SOX5: variants seen among roughly 807,000 people sequenced by gnomAD.
The protein encoded by SOX5 is transcription factor SOX-5.
Under a neutral mutation model 92.0 loss-of-function variants are expected in SOX5, and 9 were observed. The observed-to-expected ratio is 0.10, with a 90% confidence interval of 0.06 to 0.17. SOX5 has a LOEUF of 0.17. Ranked by LOEUF, SOX5 falls within the 10% of genes least tolerant of loss-of-function variation. The pLI is 1.00. For synonymous variants in SOX5, 344 were observed against 336.3 expected, an observed-to-expected ratio of 1.02 and a Z score of -0.25; for missense variants, 642 against 944.5, an observed-to-expected ratio of 0.68 and a Z score of 4.20.
At chr12:24,249,786 AT>A (rs1402307422) in intron 3 of SOX5, among the ~76,000 whole-genome samples, 1 of 152,232 alleles carries the variant, frequency 6.6e-6, no homozygotes, top group African/African-American at 2.4e-5. Context: ...GCATGCTGCC[AT>A]TAAAATGGTA....
At chr12:24,251,359 G>T (rs1436415382) in intron 3 of SOX5, among the ~76,000 whole-genome samples, 1 of 152,084 alleles carries the variant, frequency 6.6e-6, no homozygotes, top group African/African-American at 2.4e-5. Flanking sequence ...AGCATGGCAG[G>T]AAGTTCCTTC....
chr12:24,225,422 T>C (rs943233517), intron 3 of SOX5, among the ~76,000 whole-genome samples: 10 of 151,426 alleles, frequency 6.6e-5, no homozygotes, highest in African/African-American at 2.4e-4. Context: ...TTTGAAACTT[T>C]AAAACTTTTG....
upstream of SOX5, among the ~76,000 whole-genome samples, chr12:23,954,017 A>C (rs1046492164): frequency 6.6e-6 from 1 of 152,060 alleles, no homozygotes; most frequent in African/African-American, 2.4e-5. Flanking sequence ...AGAACTTTTA[A>C]AATCACAAAC....
At chr12:23,893,638 G>A (rs2137614002) in intron 2 of SOX5, among the ~76,000 whole-genome samples, 1 of 152,206 alleles carries the variant, frequency 6.6e-6, no homozygotes, top group South Asian at 2.1e-4. Context: ...CTCTGCAAAT[G>A]TATATGTTTG....
chr12:24,470,023 T>C (rs1223854214), intron 1 of SOX5, among the ~76,000 whole-genome samples: 1 of 152,192 alleles, frequency 6.6e-6, no homozygotes, highest in Non-Finnish European at 1.5e-5. Flanking sequence ...TTATAAACTT[T>C]TAAACTATTA....
intron 2 of SOX5, among the ~76,000 whole-genome samples, chr12:24,300,194 G>C (rs1038455867): frequency 6.6e-6 from 1 of 152,178 alleles, no homozygotes; most frequent in African/African-American, 2.4e-5. Flanking sequence ...TTCTGCCAGT[G>C]GTAACTTCTG....
At chr12:24,034,915 C>G (rs1245107502) in intron 4 of SOX5, among the ~76,000 whole-genome samples, 2 of 152,094 alleles carry the variant, frequency 1.3e-5, no homozygotes, top group African/African-American at 4.8e-5. Context: ...AATCAAGCTA[C>G]TAATAGAGCT....
chr12:23,587,498 G>A (rs796115317), intron 9 of SOX5, among the ~76,000 whole-genome samples: 4 of 152,128 alleles, frequency 2.6e-5, no homozygotes, highest in African/African-American at 7.2e-5. Flanking sequence ...AAATTAGACT[G>A]CAATCATGTA....
chr12:24,109,116 T>G (rs750943358), intron 4 of SOX5, among the ~76,000 whole-genome samples: 8 of 152,176 alleles, frequency 5.3e-5, no homozygotes, highest in Non-Finnish European at 1.2e-4. Flanking sequence ...TTTCTAAAGT[T>G]TATTATCTAG....
intron 2 of SOX5, among the ~76,000 whole-genome samples, chr12:24,302,253 G>A (rs1948053232): frequency 6.6e-6 from 1 of 151,704 alleles, no homozygotes; most frequent in Admixed American, 6.6e-5. Context: ...ATGTCCATGG[G>A]GTATTATTCA....
chr12:24,166,276 T>C (rs1406923254), intron 4 of SOX5, among the ~76,000 whole-genome samples: 1 of 152,102 alleles, frequency 6.6e-6, no homozygotes, highest in African/African-American at 2.4e-5. Flanking sequence ...GAATCATGAA[T>C]TGTTTGAGAC....
At chr12:24,074,542 C>A (rs1299612902) in intron 4 of SOX5, among the ~76,000 whole-genome samples, 2 of 144,104 alleles carry the variant, frequency 1.4e-5, no homozygotes, top group Non-Finnish European at 3.0e-5. Flanking sequence ...ATGTTTATAC[C>A]CAAACAGTAC....
At chr12:24,322,645 C>T (rs75020026) in intron 2 of SOX5, among the ~76,000 whole-genome samples, 2,440 of 152,202 alleles carry the variant, frequency 0.016, 30 homozygotes, top group Non-Finnish European at 0.029. Flanking sequence ...ACTGAATTAT[C>T]ACACATTTTC....
intron 3 of SOX5, chr12:23,762,468 C>A: frequency 4.8e-6 from 2 of 419,338 alleles, no homozygotes; most frequent in Middle Eastern, 5.6e-4. Flanking sequence ...CAAGAAACTC[C>A]ATAGCATTAA....
At chr12:23,904,322 T>C (rs1166697260) in intron 1 of SOX5, among the ~76,000 whole-genome samples, 1 of 152,088 alleles carries the variant, frequency 6.6e-6, no homozygotes, top group Non-Finnish European at 1.5e-5. Context: ...ACCCATTTCT[T>C]CCCACATACA....
chr12:24,360,758 T>C (rs555058376), intron 2 of SOX5, among the ~76,000 whole-genome samples: 2 of 152,254 alleles, frequency 1.3e-5, no homozygotes, highest in Admixed American at 6.5e-5. Context: ...GGTCGCAAGA[T>C]CCAGACTGAG....
At chr12:24,101,446 TCAATCTA>T (rs1270669942) in intron 4 of SOX5, among the ~76,000 whole-genome samples, 2 of 152,176 alleles carry the variant, frequency 1.3e-5, no homozygotes, top group African/African-American at 4.8e-5. Flanking sequence ...AACACTCGTT[TCAATCTA>T]CAATTACCTT....
chr12:23,613,509 G>C (rs1420005925), intron 8 of SOX5, among the ~76,000 whole-genome samples: 4 of 151,950 alleles, frequency 2.6e-5, no homozygotes, highest in Non-Finnish European at 5.9e-5. Flanking sequence ...TTTACTTTTG[G>C]TCATACACAA....
chr12:24,235,579 A>C (rs546114433), intron 3 of SOX5, among the ~76,000 whole-genome samples: 1 of 152,352 alleles, frequency 6.6e-6, no homozygotes, highest in South Asian at 2.1e-4. Context: ...AGTAATTATC[A>C]TAGCCAAATT....
Sources: gnomAD v4.1 joint callset for allele counts (sites outside exome capture counted in the v4.1 genomes callset) on GRCh38, gnomAD v4.1.1 for gene constraint, MANE v1.5 for transcripts, NCBI Gene and HGNC (gene_info 2026-07-23, HGNC 2026-07-21) for gene names.